PBX1: variants seen among roughly 807,000 people sequenced by gnomAD.
PBX1 encodes the protein pre-B-cell leukemia transcription factor 1.
In PBX1, 6 loss-of-function variants were observed where a neutral mutation model predicts 53.4. The observed-to-expected ratio is 0.11, with a 90% CI of 0.06 to 0.22. The LOEUF is 0.22. PBX1 is among the 10% of genes least tolerant of loss of function. The pLI is 1.00. For missense variants in PBX1, 251 were observed against 551.4 expected (o/e 0.46, Z 5.46); for synonymous variants, 204 against 212.3 (o/e 0.96, Z 0.34).
intron 8 of PBX1, among the ~76,000 whole-genome samples, chr1:164,831,229 A>AT (rs1344044803): frequency 2.0e-5 from 3 of 152,176 alleles, no homozygotes; most frequent in Non-Finnish European, 4.4e-5. Flanking sequence ...TTCAAAGTAA[A>AT]TTGCAGACAA....
chr1:164,770,189 C>T (rs1667291410), intron 2 of PBX1: 1 of 152,326 alleles, frequency 6.6e-6, no homozygotes, highest in Non-Finnish European at 1.5e-5. Flanking sequence ...CTGACTATCT[C>T]TGCCTTTTTA....
chr1:164,563,186 C>T (rs1188420254), intron 1 of PBX1, 52 bp from the exon 2 acceptor site: 24 of 1,232,550 alleles, frequency 1.9e-5, no homozygotes, highest in Non-Finnish European at 2.6e-5. Context: ...GCATTATCGG[C>T]AGTTTGATCT....
chr1:164,584,312 G>T (rs1654812513), intron 2 of PBX1, among the ~76,000 whole-genome samples: 1 of 151,732 alleles, frequency 6.6e-6, no homozygotes, highest in Admixed American at 6.6e-5. Flanking sequence ...GTCCGGCCTG[G>T]ACAGCATAGT....
chr1:164,793,015 G>A (rs1196396171), intron 3 of PBX1, among the ~76,000 whole-genome samples: 1 of 152,174 alleles, frequency 6.6e-6, no homozygotes, highest in Non-Finnish European at 1.5e-5. Flanking sequence ...GTGCATAGAA[G>A]GAACACTCCA....
At position 164,622,565 on chromosome 1, in the gene PBX1, G is replaced by A. The variant is rs74117954; in HGVS notation, c.265+59254G>A. On this transcript the variant is annotated intron_variant, in intron 2 of 8. Coordinates refer to ENST00000420696, the MANE Select transcript of PBX1 (RefSeq NM_002585.4). ...TGAATTAAGCACTTGATGTGCACAT[G>A]CTGTTAACTCATCTCCCCCAACTCC... Among the ~76,000 whole-genome samples, 1,150 of 152,254 alleles carry A rather than the reference G, an allele frequency of 7.6e-3. 17 individuals are homozygous for A. The highest frequency in any genetic ancestry group is 0.027 in the African/African-American group (1,101 of 41,544).
intron 2 of PBX1, among the ~76,000 whole-genome samples, chr1:164,648,711 G>A (rs1659610306): frequency 6.6e-6 from 1 of 152,202 alleles, no homozygotes; most frequent in African/African-American, 2.4e-5. Context: ...TCAGCTGCTT[G>A]CCCTTGGCGG....
chr1:164,744,161 C>A (rs565971999), intron 2 of PBX1, among the ~76,000 whole-genome samples: 113 of 152,234 alleles, frequency 7.4e-4, no homozygotes, highest in African/African-American at 2.5e-3. Flanking sequence ...AAGACACAGG[C>A]AAACTCTTCC....
intron 3 of PBX1, among the ~76,000 whole-genome samples, chr1:164,796,745 C>T (rs534062884): frequency 3.0e-4 from 46 of 152,340 alleles, no homozygotes; most frequent in Non-Finnish European, 5.3e-4. Context: ...AGAAATCCCT[C>T]TGCCCTATGG....
chr1:164,616,276 A>T (rs1388484841), intron 2 of PBX1, among the ~76,000 whole-genome samples: 2 of 143,578 alleles, frequency 1.4e-5, no homozygotes, highest in Non-Finnish European at 3.1e-5. Flanking sequence ...TGGTGCCCTC[A>T]TGATCATTCT....
At chr1:164,675,849 C>G (rs1356976244) in intron 2 of PBX1, among the ~76,000 whole-genome samples, 1 of 152,100 alleles carries the variant, frequency 6.6e-6, no homozygotes, top group African/African-American at 2.4e-5. Flanking sequence ...TTTCATCAGA[C>G]TAGGTTTTAG....
chr1:164,703,740 A>T (rs1161702269), intron 2 of PBX1, among the ~76,000 whole-genome samples: 1 of 152,208 alleles, frequency 6.6e-6, no homozygotes, highest in East Asian at 1.9e-4. Context: ...ATCCAGGTGC[A>T]TGCAGAGATG....
At chr1:164,818,921 A>G (rs1389519705) in intron 6 of PBX1, 2 of 152,210 alleles carry the variant, frequency 1.3e-5, no homozygotes, top group African/African-American at 4.8e-5. Flanking sequence ...GAGCTGAGGC[A>G]TGAATCATTG....
At chr1:164,640,545 G>GTTTTTT (rs751957824) in intron 2 of PBX1, among the ~76,000 whole-genome samples, 1 of 115,278 alleles carries the variant, frequency 8.7e-6, no homozygotes, top group African/African-American at 3.1e-5. Context: ...GTTTTTTGGT[G>GTTTTTT]TTTTTTTTTT....
intron 8 of PBX1, among the ~76,000 whole-genome samples, chr1:164,838,149 G>T (rs185964064): frequency 3.9e-5 from 6 of 152,232 alleles, no homozygotes; most frequent in African/African-American, 1.2e-4. Context: ...CCCCTTAGCA[G>T]TTAGGGTGCA....
At chr1:164,636,210 C>A (rs2996667) in intron 2 of PBX1, among the ~76,000 whole-genome samples, 115,306 of 151,396 alleles carry the variant, frequency 0.76, 45,957 homozygotes, top group Non-Finnish European at 0.87. Flanking sequence ...TTATATTGCA[C>A]CTCAGGTCTA....
intron 2 of PBX1, among the ~76,000 whole-genome samples, chr1:164,885,239 G>A (rs537933947): frequency 1.1e-4 from 17 of 152,256 alleles, no homozygotes; most frequent in African/African-American, 2.6e-4. Context: ...ACCTACCAAC[G>A]AGAGAAATCA....
intron 2 of PBX1, among the ~76,000 whole-genome samples, chr1:164,713,153 A>C (rs1686172): frequency 0.42 from 63,619 of 151,986 alleles, 14,638 homozygotes; most frequent in Middle Eastern, 0.57. Flanking sequence ...CCTGGGGAGG[A>C]GTTGTAAGTT....
intron 2 of PBX1, chr1:164,626,117 C>T: frequency 2.9e-5 from 30 of 1,023,022 alleles, no homozygotes; most frequent in South Asian, 4.6e-5. Context: ...GATATCTTTG[C>T]AGGCTGAATG....
At chr1:164,783,863 T>G (rs1189637612) in intron 2 of PBX1, among the ~76,000 whole-genome samples, 7 of 152,206 alleles carry the variant, frequency 4.6e-5, no homozygotes, top group Admixed American at 1.3e-4. Flanking sequence ...GGCAATGTGC[T>G]AGGTGCCTCA....
Sources: allele counts gnomAD v4.1 joint callset (sites outside exome capture counted in the v4.1 genomes callset), GRCh38; gene constraint gnomAD v4.1.1; transcripts MANE v1.5; gene names NCBI Gene and HGNC (gene_info 2026-07-23, HGNC 2026-07-21).